The following DTNBP1 variants were observed in gnomAD, a reference collection of about 807,000 sequenced individuals.
DTNBP1 encodes the protein dystrobrevin binding protein 1, also known as dysbindin.
Under a neutral mutation model 42.8 loss-of-function variants are expected in DTNBP1, and 35 were observed. The ratio of observed to expected loss-of-function variants is 0.82; its 90% CI spans 0.63 to 1.09. DTNBP1 has a LOEUF of 1.09. Ranked by LOEUF, DTNBP1 falls within the 50% of genes least tolerant of loss-of-function variation. The pLI is 0.00. For missense variants in DTNBP1, 457 were observed against 424.2 expected (o/e 1.08, Z -0.68); for synonymous variants, 171 against 162.2 (o/e 1.05, Z -0.41).
At chr6:15,654,164 A>G (rs1761160987) in intron 1 of DTNBP1, among the ~76,000 whole-genome samples, 1 of 152,252 alleles carries the variant, frequency 6.6e-6, no homozygotes, top group Admixed American at 6.5e-5. Context: ...TCTTTAATAC[A>G]AAAGTAATTA....
intron 3 of DTNBP1, among the ~76,000 whole-genome samples, chr6:15,644,952 A>T (rs904555622): frequency 6.6e-6 from 1 of 152,008 alleles, no homozygotes; most frequent in Non-Finnish European, 1.5e-5. Flanking sequence ...TGAAATTGAG[A>T]CCAAAAAAAA....
chr6:15,541,171 G>A (rs1342428847), intron 7 of DTNBP1, among the ~76,000 whole-genome samples: 1 of 152,084 alleles, frequency 6.6e-6, no homozygotes, highest in African/African-American at 2.4e-5. Context: ...CACAAAGCGG[G>A]CATTTAAAAA....
At chr6:15,608,675 C>T in intron 6 of DTNBP1, among the ~76,000 whole-genome samples, 1 of 152,248 alleles carries the variant, frequency 6.6e-6, no homozygotes, top group East Asian at 1.9e-4. Context: ...ACATCCACCA[C>T]ACTGGAGCCC....
intron 7 of DTNBP1, among the ~76,000 whole-genome samples, chr6:15,580,695 C>T (rs1161691165): frequency 6.6e-6 from 1 of 152,028 alleles, no homozygotes; most frequent in Non-Finnish European, 1.5e-5. Flanking sequence ...ATTTTTTTCC[C>T]AGAAGCTTTT....
chr6:15,633,191 T>C (rs1006717978), intron 4 of DTNBP1, among the ~76,000 whole-genome samples: 9 of 152,232 alleles, frequency 5.9e-5, no homozygotes, highest in Admixed American at 1.3e-4. Flanking sequence ...ATTGTTTTCA[T>C]GCCCACTAAT....
At chr6:15,558,857 A>G (rs1174954121) in intron 7 of DTNBP1, among the ~76,000 whole-genome samples, 1 of 152,106 alleles carries the variant, frequency 6.6e-6, no homozygotes, top group Non-Finnish European at 1.5e-5. Flanking sequence ...GCACTGCTGG[A>G]ATTTGCTGTT....
At chr6:15,533,933 A>G (rs1044705901) in intron 7 of DTNBP1, among the ~76,000 whole-genome samples, 8 of 152,244 alleles carry the variant, frequency 5.3e-5, no homozygotes, top group Non-Finnish European at 1.0e-4. Context: ...ATGTTTGTTA[A>G]AAGTATGTAA....
intron 3 of DTNBP1, among the ~76,000 whole-genome samples, chr6:15,644,712 A>T (rs767492758): frequency 1.5e-4 from 22 of 150,292 alleles, no homozygotes; most frequent in Admixed American, 8.6e-4. Flanking sequence ...AGGCAGAGAT[A>T]AAAAAAAATT....
chr6:15,590,142 C>T (rs537609970), intron 7 of DTNBP1, among the ~76,000 whole-genome samples: 4 of 152,298 alleles, frequency 2.6e-5, no homozygotes, highest in African/African-American at 9.6e-5. Flanking sequence ...CCATGCTGGC[C>T]AGGTTGTTCT....
At chr6:15,585,945 GC>G in intron 7 of DTNBP1, 1 of 1,361,238 alleles carries the variant, frequency 7.3e-7, no homozygotes, top group East Asian at 2.6e-5. Flanking sequence ...GATGGCTTAA[GC>G]AGATATACAT....
intron 7 of DTNBP1, among the ~76,000 whole-genome samples, chr6:15,580,466 C>T (rs1775779096): frequency 6.6e-6 from 1 of 152,148 alleles, no homozygotes; most frequent in African/African-American, 2.4e-5. Context: ...ATGCTTATTA[C>T]AGCACAAGTT....
chr6:15,642,468 C>T (rs963687488), intron 3 of DTNBP1, among the ~76,000 whole-genome samples: 18 of 152,190 alleles, frequency 1.2e-4, no homozygotes, highest in Non-Finnish European at 4.4e-5. Flanking sequence ...TTCCACCCAA[C>T]GCCAGCCTAC....
intron 6 of DTNBP1, among the ~76,000 whole-genome samples, chr6:15,611,337 A>C (rs974414058): frequency 2.0e-5 from 3 of 152,226 alleles, no homozygotes; most frequent in East Asian, 1.9e-4. Flanking sequence ...CAGAAAAAAA[A>C]AACAAATTCC....
At chr6:15,537,900 C>A (rs143428707) in intron 7 of DTNBP1, among the ~76,000 whole-genome samples, 2 of 152,210 alleles carry the variant, frequency 1.3e-5, no homozygotes, top group African/African-American at 2.4e-5. Flanking sequence ...TGGACTCATA[C>A]AGCATGTACA....
chr6:15,556,922 G>A (rs1217427188), intron 7 of DTNBP1, among the ~76,000 whole-genome samples: 1 of 152,128 alleles, frequency 6.6e-6, no homozygotes, highest in Non-Finnish European at 1.5e-5. Flanking sequence ...ATGCTTTAAG[G>A]TCATAAACTG....
At position 15,541,618 on chromosome 6, in the gene DTNBP1, T is replaced by G. The variant is rs150331786; in HGVS notation, c.512-8223A>C. ...TCCATTATCACCTCAGGCCTATGTCTTTTTATTTCAACTCCAGATCATTGC... is the reference window on the plus strand; with the variant it reads ...TCCATTATCACCTCAGGCCTATGTCGTTTTATTTCAACTCCAGATCATTGC... On this transcript the variant is annotated intron_variant, in intron 7 of 9. Transcript: ENST00000344537. Among the ~76,000 whole-genome samples the G allele has an allele frequency of 8.6e-3, 1,303 of 152,310 alleles. 21 individuals are homozygous for G. The highest frequency in any genetic ancestry group is 0.029 in the African/African-American group (1,221 of 41,572).
chr6:15,633,145 C>T (rs1001323481), intron 4 of DTNBP1, among the ~76,000 whole-genome samples: 5 of 152,180 alleles, frequency 3.3e-5, no homozygotes, highest in South Asian at 2.1e-4. Context: ...AGCATGGAGA[C>T]GCCAAGTTAC....
At chr6:15,530,345 C>T (rs1436476334) in intron 8 of DTNBP1, among the ~76,000 whole-genome samples, 1 of 152,132 alleles carries the variant, frequency 6.6e-6, no homozygotes, top group East Asian at 1.9e-4. Flanking sequence ...GCTAAAAAGC[C>T]CAGGGCCGCC....
At chr6:15,597,211 A>G (rs1238688762) in intron 6 of DTNBP1, among the ~76,000 whole-genome samples, 1 of 152,212 alleles carries the variant, frequency 6.6e-6, no homozygotes, top group Non-Finnish European at 1.5e-5. Flanking sequence ...TCAATGTCAT[A>G]GATTATAGTG....
Sources: gnomAD v4.1 joint callset for allele counts (sites outside exome capture counted in the v4.1 genomes callset) on GRCh38, gnomAD v4.1.1 for gene constraint, MANE v1.5 for transcripts, NCBI Gene and HGNC (gene_info 2026-07-23, HGNC 2026-07-21) for gene names.